Variants in TDRP observed in about 807,000 individuals in gnomAD.
TDRP encodes testis development-related protein.
A neutral mutation model predicts 10.5 loss-of-function variants in TDRP; 12 were observed. That is an observed-to-expected ratio of 1.15 (90% CI 0.73 to 1.86). The LOEUF is 1.86. TDRP is among the 40% of genes most tolerant of loss of function. TDRP has a pLI of 0.00. For missense variants in TDRP, 353 were observed against 229.2 expected, an observed-to-expected ratio of 1.54 and a Z score of -3.49; for synonymous variants, 139 against 95.4, an observed-to-expected ratio of 1.46 and a Z score of -2.67.
rs377460292 is a variant in TDRP, at chr8:511,515, T to C, written c.109-16918A>G. 1.1e-4 allele frequency among the ~76,000 whole-genome samples: 16 copies of C among 152,138 alleles called. No homozygotes were observed. In the South Asian group the frequency reaches 3.3e-3, roughly 32 times the overall value. On this transcript the variant is annotated intron_variant, in intron 1 of 2. Coordinates refer to ENST00000324079, the MANE Select transcript of TDRP (RefSeq NM_001384899.1). The stretch of plus-strand genomic sequence containing the variant: ...AAGGGAGAACTAGAAAAATCCAATA[T>C]TCACAGAGATTTCACCATGCCACTT...
At chr8:506,358 A>T (rs1196316404) in intron 1 of TDRP, among the ~76,000 whole-genome samples, 1 of 152,168 alleles carries the variant, frequency 6.6e-6, no homozygotes, top group Non-Finnish European at 1.5e-5. Flanking sequence ...GCCACAGCCA[A>T]CAGCACAGGC....
intron 2 of TDRP, among the ~76,000 whole-genome samples, chr8:493,934 C>A (rs1585131743): frequency 6.6e-6 from 1 of 151,250 alleles, no homozygotes. Flanking sequence ...ACCCTCAGGA[C>A]CTTTTATCCA....
intron 1 of TDRP, among the ~76,000 whole-genome samples, chr8:518,263 T>G (rs62484424): frequency 0.16 from 24,278 of 152,068 alleles, 2,110 homozygotes; most frequent in African/African-American, 0.24. Context: ...CCCTTCAATT[T>G]TGCTGTGAAC....
chr8:519,287 T>C (rs1801835313), intron 1 of TDRP, among the ~76,000 whole-genome samples: 1 of 152,146 alleles, frequency 6.6e-6, no homozygotes, highest in Admixed American at 6.5e-5. Context: ...TCTCTTCTGT[T>C]GAGCTGTTCC....
chr8:540,959 T>C (rs1802475461), intron 1 of TDRP, among the ~76,000 whole-genome samples: 1 of 152,104 alleles, frequency 6.6e-6, no homozygotes, highest in African/African-American at 2.4e-5. Flanking sequence ...ATTTGGAGGG[T>C]AGGACAAAAG....
chr8:542,088 A>G (rs1379000246), intron 1 of TDRP, among the ~76,000 whole-genome samples: 1 of 152,230 alleles, frequency 6.6e-6, no homozygotes, highest in African/African-American at 2.4e-5. Context: ...TGCTAAAAAG[A>G]AACGAGCTAC....
At chr8:509,182 A>C (rs916572445) in intron 1 of TDRP, among the ~76,000 whole-genome samples, 16 of 152,068 alleles carry the variant, frequency 1.1e-4, no homozygotes, top group Admixed American at 1.3e-4. Flanking sequence ...CAGCTTTTCC[A>C]GGCATATGGT....
In TDRP at chr8:492,599, A is replaced by C. The variant is rs114134672; in HGVS notation, c.358T>G (p.Ser120Ala). 2.8e-3 allele frequency: 4,596 copies of C among 1,613,980 alleles called. 114 individuals are homozygous for C. In the African/African-American group the frequency reaches 0.053, roughly 19 times the overall value. ...EPPKLALEDI[S>A]ADPEDTVGGH... ...CCCACGGTGTCCTCAGGGTCAGCCG[A>C]TATGTCTTCAAGAGCAAGTTTTGGA... The change falls in exon 3 of 3, where the codon TCG (serine) becomes GCG (alanine). Residue 120 changes from serine to alanine, a missense_variant. Physicochemically the swap from Ser to Ala is moderately conservative, Grantham distance 99. Transcript: ENST00000324079.
intron 1 of TDRP, among the ~76,000 whole-genome samples, chr8:500,619 G>A (rs1047495041): frequency 5.9e-5 from 9 of 152,144 alleles, no homozygotes; most frequent in Non-Finnish European, 1.2e-4. Context: ...TGTCATTTGC[G>A]TTTTCTCCTA....
chr8:543,355 G>A (rs1048157877), intron 1 of TDRP, among the ~76,000 whole-genome samples: 1 of 152,044 alleles, frequency 6.6e-6, no homozygotes, highest in Non-Finnish European at 1.5e-5. Context: ...TGGGTTTCAG[G>A]ATTCATTAGG....
intron 1 of TDRP, among the ~76,000 whole-genome samples, chr8:508,146 G>A (rs2116766868): frequency 6.6e-6 from 1 of 152,266 alleles, no homozygotes; most frequent in African/African-American, 2.4e-5. Flanking sequence ...TTGCATCAAA[G>A]AGAGAATGCC....
chr8:544,477 T>C (rs1472812893), intron 1 of TDRP, among the ~76,000 whole-genome samples, 173 bp downstream of exon 1: 3 of 152,004 alleles, frequency 2.0e-5, no homozygotes, highest in African/African-American at 7.2e-5. Context: ...GTTCTCCGAC[T>C]CCGCACTCGG....
intron 1 of TDRP, among the ~76,000 whole-genome samples, chr8:509,137 C>T (rs539687362): frequency 6.6e-5 from 10 of 152,244 alleles, no homozygotes; most frequent in South Asian, 2.1e-4. Context: ...GGCCCCCTGG[C>T]GCCAGCTGCT....
chr8:531,282 T>C (rs149418779), intron 1 of TDRP, among the ~76,000 whole-genome samples: 1 of 152,322 alleles, frequency 6.6e-6, no homozygotes, highest in Non-Finnish European at 1.5e-5. Flanking sequence ...TTGGACTGTA[T>C]ATTGTTGTCA....
At chr8:509,075 G>T (rs1044300151) in intron 1 of TDRP, among the ~76,000 whole-genome samples, 2 of 152,254 alleles carry the variant, frequency 1.3e-5, no homozygotes, top group Non-Finnish European at 2.9e-5. Flanking sequence ...TGATGCAAGA[G>T]ATGGGCTCCT....
At chr8:495,528 C>T (rs1420647206) in intron 1 of TDRP, among the ~76,000 whole-genome samples, 4 of 152,150 alleles carry the variant, frequency 2.6e-5, no homozygotes, top group African/African-American at 9.7e-5. Context: ...AAATCCATTA[C>T]TAAGAAGAAT....
intron 1 of TDRP, among the ~76,000 whole-genome samples, chr8:527,852 A>G (rs956869565): frequency 2.0e-5 from 3 of 152,188 alleles, no homozygotes; most frequent in African/African-American, 7.2e-5. Flanking sequence ...CATTGGACTA[A>G]GCAAAGATTT....
At chr8:507,288 CAGA>C (rs964693141) in intron 1 of TDRP, among the ~76,000 whole-genome samples, 11 of 152,056 alleles carry the variant, frequency 7.2e-5, no homozygotes, top group African/African-American at 1.5e-4. Context: ...CAAGCCATAT[CAGA>C]AGGAGATTTG....
intron 1 of TDRP, among the ~76,000 whole-genome samples, chr8:511,066 G>T (rs1482511960): frequency 1.3e-5 from 2 of 152,076 alleles, no homozygotes; most frequent in South Asian, 4.2e-4. Context: ...AAGCAGCAAA[G>T]GAACAAAATG....
Sources: gnomAD v4.1 joint callset for allele counts (sites outside exome capture counted in the v4.1 genomes callset) on GRCh38, gnomAD v4.1.1 for gene constraint, MANE v1.5 for transcripts, NCBI Gene and HGNC (gene_info 2026-07-23, HGNC 2026-07-21) for gene names.